YTHDC2: variants seen among roughly 807,000 people sequenced by gnomAD.
YTHDC2 encodes the protein YTH N6-methyladenosine RNA binding protein C2, also known as 3'-5' RNA helicase YTHDC2.
Under a neutral mutation model 174.9 loss-of-function variants are expected in YTHDC2, and 45 were observed. The observed-to-expected ratio is 0.26, with a 90% CI of 0.20 to 0.33. The LOEUF (loss-of-function observed/expected upper bound fraction) is 0.33. Among genes scored for constraint, YTHDC2 ranks in the 10% least tolerant of loss-of-function variants. The pLI is 1.00. For synonymous variants in YTHDC2, 657 were observed against 574.5 expected (o/e 1.14, Z -2.05); for missense variants, 1,650 against 1,723.7 (o/e 0.96, Z 0.76).
At chr5:113,536,961 T>C (rs1775123129) in intron 7 of YTHDC2, among the ~76,000 whole-genome samples, 1 of 152,202 alleles carries the variant, frequency 6.6e-6, no homozygotes, top group African/African-American at 2.4e-5. Context: ...TTTAAGCACC[T>C]GCATAATAAA....
intron 2 of YTHDC2, among the ~76,000 whole-genome samples, chr5:113,521,730 CAA>C (rs775698646): frequency 8.8e-5 from 5 of 57,082 alleles, no homozygotes; most frequent in Non-Finnish European, 1.0e-4. Flanking sequence ...GACTCTGTCT[CAA>C]AAAAAAAAAA....
intron 26 of YTHDC2, among the ~76,000 whole-genome samples, chr5:113,585,028 A>G (rs1778602748): frequency 6.6e-6 from 1 of 152,066 alleles, no homozygotes; most frequent in East Asian, 1.9e-4. Flanking sequence ...TGATCTTCCC[A>G]TCTCAGCCTC....
intron 18 of YTHDC2, among the ~76,000 whole-genome samples, chr5:113,562,990 C>G (rs1465045825): frequency 2.0e-5 from 3 of 152,054 alleles, no homozygotes; most frequent in Non-Finnish European, 4.4e-5. Flanking sequence ...TGCACAGGGC[C>G]TTGCACTTAG....
Position 113,534,395 on chromosome 5 carries a change from A to G in YTHDC2, c.933A>G (p.Thr311=), listed in dbSNP as rs765181444. Residue 311 remains threonine (T), a synonymous_variant, in exon 6 of 30, where the codon ACA becomes ACG. Coordinates refer to ENST00000161863, the MANE Select transcript of YTHDC2 (RefSeq NM_022828.5). ...MAGDSTLSTV[T]HVIVDEVHER... Reference sequence around the variant, plus strand: ...GAGATAGTACGTTGTCGACTGTGACACATGTTATCGTGGTAAGAATATTGC... The same window carrying G: ...GAGATAGTACGTTGTCGACTGTGACGCATGTTATCGTGGTAAGAATATTGC... 22 of 1,611,378 alleles carry G rather than the reference A, an allele frequency of 1.4e-5. 1 individual carries two copies. In the South Asian group the frequency reaches 2.3e-4, roughly 17 times the overall value.
At chr5:113,536,851 A>T (rs567132305) in intron 7 of YTHDC2, among the ~76,000 whole-genome samples, 16 of 144,846 alleles carry the variant, frequency 1.1e-4, no homozygotes, top group African/African-American at 4.2e-4. Flanking sequence ...GTTTACAAAA[A>T]TTGGTTTTAT....
At position 113,584,420 on chromosome 5, in the gene YTHDC2, A is replaced by T; in HGVS notation, c.3766A>T (p.Thr1256Ser). ...DRSDQSSLKSTDSSSYPSPCA... is the reference protein window; with the variant it reads ...DRSDQSSLKSSDSSSYPSPCA... ...ATCAGATCAGTCTTCTCTGAAATCT[A>T]CAGACAGCAGTAGTTACCCAAGTCC... Residue 1256 changes from threonine (T) to serine (S), a missense_variant, in exon 26 of 30, where the codon ACA (threonine) becomes TCA (serine). By Grantham distance (58) the Thr-to-Ser change is moderately conservative (BLOSUM62 1). Around this residue, in one of 5 missense-constraint regions of YTHDC2, gnomAD observed 913 missense variants for 940.4 expected, o/e 0.97. Transcript: ENST00000161863. 1 of 1,613,840 alleles carries T rather than the reference A, an allele frequency of 6.2e-7. No individual in the cohort carries two copies. The highest frequency in any genetic ancestry group is 8.5e-7 in the Non-Finnish European group (1 of 1,179,830).
intron 1 of YTHDC2, 136 bp downstream of exon 1, chr5:113,514,218 C>A (rs1047754576): frequency 8.4e-7 from 1 of 1,186,476 alleles, no homozygotes; most frequent in Non-Finnish European, 1.2e-6. Context: ...CCGGGGCGGG[C>A]CTCAGCGGCG....
rs144419628 is a variant in YTHDC2, at chr5:113,539,765, C to A, written c.1210+584C>A. On this transcript the variant is annotated intron_variant, in intron 8 of 29. Coordinates refer to ENST00000161863, the MANE Select transcript of YTHDC2 (RefSeq NM_022828.5). ...TTGATACCTTGTTTATTCTGTATGC[C>A]CTTGGACAAAAATCTGAACTCCTTT... is the stretch of plus-strand genomic sequence containing the variant. 3.8e-4 allele frequency among the ~76,000 whole-genome samples: 58 copies of A among 151,852 alleles called. No individual in the cohort carries two copies. The East Asian group carries it at 9.9e-3, about 26-fold the overall frequency.
At position 113,567,867 on chromosome 5, in the gene YTHDC2, A is replaced by T; in HGVS notation, c.3244+18A>T. 2 of 1,461,478 alleles carry T rather than the reference A, an allele frequency of 1.4e-6. No individual in the cohort carries two copies. Among genetic ancestry groups the T allele is most frequent in the Non-Finnish European group, 1.8e-6 (2 of 1,101,368 alleles). The allele number at this position is 1,461,478 out of a possible 1,614,324, so 90.5% of individuals were successfully genotyped here. ...CTTTAGAGGTAAATGTATTAAGGAA[A>T]TAAAAATCTATTTGAAATGAATTTT... is the stretch of plus-strand genomic sequence containing the variant. On this transcript the variant is annotated intron_variant, in intron 23 of 29. Coordinates refer to ENST00000161863, the MANE Select transcript of YTHDC2 (RefSeq NM_022828.5).
At chr5:113,521,759 A>G (rs1363130303) in intron 2 of YTHDC2, among the ~76,000 whole-genome samples, 3 of 151,084 alleles carry the variant, frequency 2.0e-5, no homozygotes, top group African/African-American at 7.3e-5. Context: ...AAAACCCAGA[A>G]AAATAAATTT....
intron 26 of YTHDC2, among the ~76,000 whole-genome samples, chr5:113,586,900 A>C (rs1481198676): frequency 7.5e-6 from 1 of 132,692 alleles, no homozygotes; most frequent in East Asian, 2.1e-4. Flanking sequence ...ATATAAATAT[A>C]TATTATGTAT....
At chr5:113,538,101 C>A (rs897852673) in intron 7 of YTHDC2, among the ~76,000 whole-genome samples, 2 of 152,020 alleles carry the variant, frequency 1.3e-5, no homozygotes, top group Non-Finnish European at 2.9e-5. Context: ...ATTTTTTTTC[C>A]ATATCCAATA....
intron 18 of YTHDC2, among the ~76,000 whole-genome samples, chr5:113,561,809 G>A (rs985068711): frequency 1.3e-5 from 2 of 151,970 alleles, no homozygotes; most frequent in East Asian, 3.9e-4. Context: ...CAACTATATA[G>A]TGTTCACCTT....
chr5:113,531,216 TCTGACCCGCAGATC>T (rs1334064405), intron 4 of YTHDC2, among the ~76,000 whole-genome samples: 5 of 152,194 alleles, frequency 3.3e-5, no homozygotes, highest in Non-Finnish European at 7.3e-5. Flanking sequence ...TATGCTGGGT[TCTGACCCGCAGATC>T]CTGACCCAGT....
chr5:113,570,532 TTGCTG>T (rs1304170570), intron 23 of YTHDC2, among the ~76,000 whole-genome samples: 2 of 152,206 alleles, frequency 1.3e-5, no homozygotes, highest in Non-Finnish European at 2.9e-5. Context: ...TCCTGAGACT[TTGCTG>T]AAGTTGCTTA....
rs1224217467 is a variant in YTHDC2, at chr5:113,553,317, A to T, written c.1825A>T (p.Ile609Phe). Reference sequence around the variant, plus strand: ...TGATGAAAAAGTAGACTTGGATTTGATCATGCATCTTCTATACAATATCTG... The same window carrying T: ...TGATGAAAAAGTAGACTTGGATTTGTTCATGCATCTTCTATACAATATCTG... ...FDDEKVDLDLIMHLLYNICHS... is the reference protein window; with the variant it reads ...FDDEKVDLDLFMHLLYNICHS... The change falls in exon 13 of 30, where the codon ATC becomes TTC. Residue 609 changes from isoleucine (I) to phenylalanine (F), a missense_variant. Coordinates refer to ENST00000161863, the MANE Select transcript of YTHDC2 (RefSeq NM_022828.5). 6.2e-7 allele frequency: 1 copy of T among 1,610,812 alleles called. No homozygotes were observed. Among genetic ancestry groups the T allele is most frequent in the African/African-American group, 1.3e-5 (1 of 74,662 alleles).
chr5:113,570,115 G>T (rs1288942178), intron 23 of YTHDC2, among the ~76,000 whole-genome samples: 3 of 151,016 alleles, frequency 2.0e-5, no homozygotes, highest in Admixed American at 6.6e-5. Context: ...TCATTTTTTT[G>T]AGATGGAGTC....
chr5:113,592,021 T>G lies in YTHDC2; in HGVS notation c.4055T>G (p.Ile1352Ser). 1 of 1,609,622 alleles carries G rather than the reference T, an allele frequency of 6.2e-7. No individual in the cohort carries two copies. Among genetic ancestry groups the G allele is most frequent in the East Asian group, 2.2e-5 (1 of 44,720 alleles). Reference sequence around the variant, plus strand: ...GGATTTTCTAGGATGTCTTCTGAGATTGGAAGGGAAAAGAGTCAGGACTGG... The same window carrying G: ...GGATTTTCTAGGATGTCTTCTGAGAGTGGAAGGGAAAAGAGTCAGGACTGG... ...FQGFSRMSSEIGREKSQDWGS... is the reference protein window; with the variant it reads ...FQGFSRMSSESGREKSQDWGS... The change falls in exon 28 of 30, where the codon ATT becomes AGT. Residue 1352 changes from isoleucine (I) to serine (S), a missense_variant. Around this residue, in one of 5 missense-constraint regions of YTHDC2, gnomAD observed 913 missense variants for 940.4 expected, o/e 0.97. Transcript: ENST00000161863.
At chr5:113,534,052 G>A (rs375863043) in intron 5 of YTHDC2, among the ~76,000 whole-genome samples, 114 of 152,132 alleles carry the variant, frequency 7.5e-4, no homozygotes, top group African/African-American at 2.6e-3. Context: ...CAAGCAAAAA[G>A]TATTTAAGGT....
Sources: gnomAD v4.1 joint callset for allele counts (sites outside exome capture counted in the v4.1 genomes callset) on GRCh38, gnomAD v4.1.1 for gene constraint, gnomAD v4.1.1 regional missense constraint, MANE v1.5 for transcripts, NCBI Gene and HGNC (gene_info 2026-07-23, HGNC 2026-07-21) for gene names.